REPS2: variants seen among roughly 807,000 people sequenced by gnomAD.
REPS2 encodes the protein ralBP1-associated Eps domain-containing protein 2.
A neutral mutation model predicts 53.6 loss-of-function variants in REPS2; 23 were observed. The ratio of observed to expected loss-of-function variants is 0.43; its 90% CI spans 0.31 to 0.61. The LOEUF (loss-of-function observed/expected upper bound fraction) is 0.61, where lower values mean the gene tolerates loss of function less well. Ranked by LOEUF, REPS2 falls within the 20% of genes least tolerant of loss-of-function variation. The pLI, the probability that REPS2 is intolerant of heterozygous loss-of-function variation, is 0.11. For missense variants in REPS2, 446 were observed against 534.9 expected (o/e 0.83, Z 1.64); for synonymous variants, 238 against 218.6 (o/e 1.09, Z -0.78).
chrX:17,013,624 CTG>C lies in REPS2; in HGVS notation c.397+7320_397+7321del, dbSNP rs10559340. 7.7e-3 allele frequency among the ~76,000 whole-genome samples: 774 copies of C among 100,102 alleles called. 10 individuals are homozygous for C. Among genetic ancestry groups the C allele is most frequent in the African/African-American group, 0.022 (601 of 27,258 alleles). The allele number at this position is 100,102 out of a possible 115,157, so 86.9% of individuals were successfully genotyped here. Reference sequence around the variant, plus strand: ...CCAGGAGGTAAGGTTGTAGCTGGCTCTGTGTGTGTGTGTGTGTGTGTGTGTGT... The same window carrying C: ...CCAGGAGGTAAGGTTGTAGCTGGCTCTGTGTGTGTGTGTGTGTGTGTGTGT... On this transcript the variant is annotated intron_variant, in intron 2 of 17. Coordinates refer to ENST00000357277, the MANE Select transcript of REPS2 (RefSeq NM_004726.3).
chrX:17,035,877 T>G (rs1443820400), intron 5 of REPS2, among the ~76,000 whole-genome samples: 1 of 112,232 alleles, frequency 8.9e-6, no homozygotes, highest in Non-Finnish European at 1.9e-5. Flanking sequence ...CAGTTATGCT[T>G]TTTTACACAT....
intron 5 of REPS2, among the ~76,000 whole-genome samples, chrX:17,043,360 A>G (rs1466997077): frequency 9.0e-6 from 1 of 111,193 alleles, no homozygotes; most frequent in African/African-American, 3.3e-5. Flanking sequence ...AATCTAAGAA[A>G]TGAGAGCCAA....
chrX:17,189,290 C>CTT, the REPS2 span, among the ~76,000 whole-genome samples: 32 of 99,339 alleles, frequency 3.2e-4, no homozygotes, highest in African/African-American at 1.0e-3. Flanking sequence ...TTCTTTTTTT[C>CTT]TTTTTTTTTT....
intron 4 of REPS2, among the ~76,000 whole-genome samples, chrX:17,027,621 T>C (rs2061661079): frequency 9.2e-6 from 1 of 109,180 alleles, no homozygotes; most frequent in African/African-American, 3.3e-5. Context: ...CAAAGAGTTC[T>C]GGTTTGACAC....
At position 17,151,475 on chromosome X, in the gene REPS2, A is replaced by G. The variant is rs940726118; in HGVS notation, c.*3994A>G. ...TTGCAATTAAGGCAGGCATTTGCCA[A>G]TGTCTTCTTTTAAGCAGTAGTTGGA... On this transcript the variant is annotated 3_prime_UTR_variant, in exon 18 of 18. Coordinates refer to ENST00000357277, the MANE Select transcript of REPS2 (RefSeq NM_004726.3). The G allele has an allele frequency of 2.7e-5, 3 of 113,040 alleles. No individual in the cohort carries two copies. Among genetic ancestry groups the G allele is most frequent in the Admixed American group, 1.9e-4 (2 of 10,712 alleles). The allele number at this position is 113,040 out of a possible 1,213,427, so 9.3% of individuals were successfully genotyped here.
intron 3 of REPS2, among the ~76,000 whole-genome samples, chrX:17,023,218 A>G (rs2061596985): frequency 8.9e-6 from 1 of 112,563 alleles, no homozygotes; most frequent in Non-Finnish European, 1.9e-5. Context: ...ACAAGAGGTC[A>G]GGAGTTCAAG....
chrX:17,183,079 A>G, the REPS2 span, among the ~76,000 whole-genome samples: 1 of 112,718 alleles, frequency 8.9e-6, no homozygotes, highest in African/African-American at 3.2e-5. Flanking sequence ...TTGGGAGACT[A>G]TAATGGGAAT....
intron 17 of REPS2, among the ~76,000 whole-genome samples, chrX:17,145,602 A>G (rs1396381011): frequency 9.0e-6 from 1 of 111,024 alleles, no homozygotes; most frequent in Non-Finnish European, 1.9e-5. Flanking sequence ...CCAGTTCTAG[A>G]TTCAAGATTT....
the REPS2 span, among the ~76,000 whole-genome samples, chrX:17,183,315 G>T: frequency 8.9e-6 from 1 of 112,042 alleles, no homozygotes; most frequent in African/African-American, 3.2e-5. Flanking sequence ...ATAAAAACCT[G>T]TATGAAATAT....
chrX:17,064,387 T>A (rs2062199365), intron 9 of REPS2, among the ~76,000 whole-genome samples: 1 of 111,844 alleles, frequency 8.9e-6, no homozygotes, highest in South Asian at 3.7e-4. Flanking sequence ...TTTAATTAGA[T>A]TTTGGAACCA....
Position 17,045,042 on chromosome X carries a change from G to A in REPS2, c.772-2305G>A, listed in dbSNP as rs186118790. On this transcript the variant is annotated intron_variant, in intron 5 of 17. Transcript: ENST00000357277. ...CCTCCCAGGTTCAAGTGATTCTCCT[G>A]CCTCAGCCTCCCGAGTAGCTGGGAT... 5.4e-5 allele frequency among the ~76,000 whole-genome samples: 6 copies of A among 111,323 alleles called. No homozygotes were observed. The East Asian group carries it at 1.7e-3, about 31-fold the overall frequency.
chrX:17,032,329 TG>T (rs374316761), intron 5 of REPS2, among the ~76,000 whole-genome samples: 335 of 112,325 alleles, frequency 3.0e-3, no homozygotes, highest in African/African-American at 0.01. Context: ...TTCTCTTTTC[TG>T]TAATACAAAT....
At chrX:17,049,065 T>C (rs2061945216) in intron 6 of REPS2, among the ~76,000 whole-genome samples, 1 of 110,640 alleles carries the variant, frequency 9.0e-6, no homozygotes, top group South Asian at 3.8e-4. Context: ...AGGCTAATTT[T>C]TGTATTTTTA....
Position 17,135,286 on chromosome X carries a change from C to T in REPS2, c.1688C>T (p.Ser563Leu). The T allele has an allele frequency of 8.3e-7, 1 of 1,211,116 alleles. No individual in the cohort carries two copies. Among genetic ancestry groups the T allele is most frequent in the Non-Finnish European group, 1.1e-6 (1 of 895,160 alleles). The change falls in exon 16 of 18, where the codon TCA becomes TTA. Residue 563 changes from serine (S) to leucine (L), a missense_variant. Transcript: ENST00000357277. ...KKDVLYSQPP[S>L]KPIRRKFRPE... ...GATGTACTGTATTCTCAGCCACCAT[C>T]AAAGCCCATTCGTAGGAAATTCAGA...
intron 9 of REPS2, among the ~76,000 whole-genome samples, chrX:17,063,320 C>T (rs913004366): frequency 8.0e-5 from 9 of 111,835 alleles, no homozygotes; most frequent in African/African-American, 2.9e-4. Context: ...AGTCCTCTGA[C>T]CCTAGTTGAA....
chrX:17,040,199 A>C (rs1399902730), intron 5 of REPS2, among the ~76,000 whole-genome samples: 1 of 112,789 alleles, frequency 8.9e-6, no homozygotes, highest in Non-Finnish European at 1.9e-5. Flanking sequence ...CTGTGAATCT[A>C]TAATTATTTT....
chrX:17,161,206 G>A, the REPS2 span, among the ~76,000 whole-genome samples: 1 of 111,391 alleles, frequency 9.0e-6, no homozygotes, highest in Non-Finnish European at 1.9e-5. Flanking sequence ...CAGAATTTTG[G>A]CTGTCATGAT....
intron 13 of REPS2, among the ~76,000 whole-genome samples, chrX:17,078,763 A>G: frequency 8.9e-6 from 1 of 112,514 alleles, no homozygotes; most frequent in African/African-American, 3.2e-5. Flanking sequence ...TGCCAGCTGT[A>G]CTGGAGAATT....
At chrX:16,969,595 G>A (rs929870305) in intron 1 of REPS2, among the ~76,000 whole-genome samples, 24 of 110,530 alleles carry the variant, frequency 2.2e-4, no homozygotes, top group South Asian at 7.8e-4. Flanking sequence ...GCGTGGCGGC[G>A]CGCGCCTGCA....
Sources: allele counts gnomAD v4.1 joint callset (sites outside exome capture counted in the v4.1 genomes callset), GRCh38; gene constraint gnomAD v4.1.1; transcripts MANE v1.5; gene names NCBI Gene and HGNC (gene_info 2026-07-23, HGNC 2026-07-21).